The following GRM7 variants were observed in gnomAD, a reference collection of about 807,000 sequenced individuals.
GRM7 encodes glutamate metabotropic receptor 7.
GRM7 carries 35 observed loss-of-function variants against 84.5 expected under a neutral mutation model. The ratio of observed to expected loss-of-function variants is 0.41; its 90% CI spans 0.32 to 0.55. The LOEUF (loss-of-function observed/expected upper bound fraction) is 0.55. GRM7 is among the 20% of genes least tolerant of loss of function. The pLI is 0.19. For missense variants in GRM7, 1,003 were observed against 1,194.6 expected (o/e 0.84, Z 2.36); for synonymous variants, 487 against 455.1 (o/e 1.07, Z -0.89).
Position 7,145,492 on chromosome 3 carries a change from A to AT in GRM7, c.520-953dup, listed in dbSNP as rs1478894267. ...AGGCTACCTGAAATCCCAGGCAGACATTTTTTTGCAGCTCTTTCCATGTAT... is the reference window on the plus strand; with the variant it reads ...AGGCTACCTGAAATCCCAGGCAGACATTTTTTTTGCAGCTCTTTCCATGTAT... On this transcript the variant is annotated intron_variant, in intron 1 of 9. Transcript: ENST00000357716. 8.5e-5 allele frequency among the ~76,000 whole-genome samples: 13 copies of AT among 152,222 alleles called. No individual in the cohort carries two copies. In the East Asian group the frequency reaches 2.5e-3, roughly 29 times the overall value.
chr3:7,367,956 A>G lies in GRM7; in HGVS notation c.1034-47067A>G, dbSNP rs1352786612. ...TAATCCTCAAAAAAAAAAAAAAAGA[A>G]AAAATCAACAACAACAACAACTACA... On this transcript the variant is annotated intron_variant, in intron 4 of 9. Transcript: ENST00000357716. Among the ~76,000 whole-genome samples, 7 of 78,620 alleles carry G rather than the reference A, an allele frequency of 8.9e-5. No individual in the cohort carries two copies. In the Admixed American group the frequency reaches 1.1e-3, roughly 13 times the overall value. The allele number at this position is 78,620 out of a possible 152,430, so 51.6% of individuals were successfully genotyped here.
At chr3:7,522,065 C>G (rs1700617427) in intron 7 of GRM7, among the ~76,000 whole-genome samples, 1 of 152,154 alleles carries the variant, frequency 6.6e-6, no homozygotes, top group South Asian at 2.1e-4. Context: ...TTTCTCCCAG[C>G]TCATTTTGGA....
intron 1 of GRM7, among the ~76,000 whole-genome samples, chr3:7,093,234 G>T (rs1430716853): frequency 6.6e-6 from 1 of 152,056 alleles, no homozygotes; most frequent in Non-Finnish European, 1.5e-5. Context: ...GGCAACTAAG[G>T]CCCAGTTTGA....
chr3:7,499,853 C>A (rs1387329438), intron 7 of GRM7, among the ~76,000 whole-genome samples: 4 of 151,578 alleles, frequency 2.6e-5, no homozygotes, highest in African/African-American at 9.7e-5. Context: ...CGGCTCACTG[C>A]AAGCTCCGCC....
chr3:7,164,695 G>A (rs904827749), intron 2 of GRM7, among the ~76,000 whole-genome samples: 2 of 152,152 alleles, frequency 1.3e-5, no homozygotes, highest in Non-Finnish European at 2.9e-5. Flanking sequence ...ATAAAGTAAT[G>A]AACTGGAAAT....
At chr3:7,248,504 C>T (rs918153494) in intron 2 of GRM7, among the ~76,000 whole-genome samples, 20 of 152,084 alleles carry the variant, frequency 1.3e-4, no homozygotes, top group Admixed American at 1.2e-3. Context: ...GACAGAAATG[C>T]TTTTTGTCTT....
chr3:6,925,445 TC>T (rs1697265912), intron 1 of GRM7, among the ~76,000 whole-genome samples: 1 of 107,092 alleles, frequency 9.3e-6, no homozygotes, highest in Non-Finnish European at 2.2e-5. Context: ...CAAAATCGAA[TC>T]AATCAATCAA....
intron 1 of GRM7, among the ~76,000 whole-genome samples, chr3:6,984,765 G>A (rs1351369402): frequency 5.9e-5 from 9 of 152,196 alleles, no homozygotes; most frequent in Admixed American, 5.9e-4. Context: ...TATGAGGTCA[G>A]AGTTTCCTGA....
In GRM7 at chr3:7,020,334, G is replaced by T. The variant is rs1484481696; in HGVS notation, c.520-126118G>T. Among the ~76,000 whole-genome samples, 3 of 152,208 alleles carry T rather than the reference G, an allele frequency of 2.0e-5. No individual in the cohort carries two copies. In the South Asian group the frequency reaches 6.2e-4, roughly 32 times the overall value. On this transcript the variant is annotated intron_variant, in intron 1 of 9. Transcript: ENST00000357716. Reference sequence around the variant, plus strand: ...CTATGGAGACAGTAAAAAGATCAAGGATTGTTTGGAGTTAGGGGAGAGAGA... The same window carrying T: ...CTATGGAGACAGTAAAAAGATCAAGTATTGTTTGGAGTTAGGGGAGAGAGA...
chr3:7,109,656 A>T lies in GRM7; in HGVS notation c.520-36796A>T, dbSNP rs181777221. ...CATGGAAGAAGCTGGACTCCTTTTC[A>T]TTTCGTCCGCTATAGTGAGTTCTAT... On this transcript the variant is annotated intron_variant, in intron 1 of 9. Transcript: ENST00000357716. Among the ~76,000 whole-genome samples the T allele has an allele frequency of 2.0e-5, 3 of 152,198 alleles. 1 individual carries two copies. The highest frequency in any genetic ancestry group is 2.4e-5 in the African/African-American group (1 of 41,566).
At position 7,238,111 on chromosome 3, in the gene GRM7, T is replaced by C. The variant is rs984085665; in HGVS notation, c.737-60573T>C. On this transcript the variant is annotated intron_variant, in intron 2 of 9. Coordinates refer to ENST00000357716, the MANE Select transcript of GRM7 (RefSeq NM_000844.4). The stretch of plus-strand genomic sequence containing the variant: ...ACCATAGTATTGAATCAAAATTATA[T>C]CAGCAACAGTACTCTTCAAGTTATG... Among the ~76,000 whole-genome samples the C allele has an allele frequency of 2.6e-5, 4 of 152,142 alleles. No homozygotes were observed. In the South Asian group the frequency reaches 6.2e-4, roughly 24 times the overall value.
chr3:7,246,388 A>T (rs190064371), intron 2 of GRM7, among the ~76,000 whole-genome samples: 60 of 152,202 alleles, frequency 3.9e-4, no homozygotes, highest in Admixed American at 3.9e-3. Context: ...AGCCCTGGAA[A>T]CTTTGTCTGT....
At chr3:7,694,005 C>T (rs182144288) in intron 9 of GRM7, among the ~76,000 whole-genome samples, 116 of 152,258 alleles carry the variant, frequency 7.6e-4, no homozygotes, top group Admixed American at 3.9e-3. Context: ...AAAAGCCAGT[C>T]TCTTTCTGAG....
At chr3:7,200,222 A>T (rs1303676220) in intron 2 of GRM7, among the ~76,000 whole-genome samples, 2 of 152,088 alleles carry the variant, frequency 1.3e-5, no homozygotes, top group Non-Finnish European at 2.9e-5. Context: ...CATAATACAA[A>T]CACCTCCCAC....
chr3:7,377,461 C>T (rs1694400489), intron 4 of GRM7, among the ~76,000 whole-genome samples: 1 of 152,084 alleles, frequency 6.6e-6, no homozygotes, highest in Admixed American at 6.6e-5. Flanking sequence ...CGTCTGGAAT[C>T]AATAGTGGGT....
chr3:7,187,663 C>T (rs1205262326), intron 2 of GRM7, among the ~76,000 whole-genome samples: 1 of 151,256 alleles, frequency 6.6e-6, no homozygotes, highest in African/African-American at 2.4e-5. Context: ...TATTTAAACC[C>T]ACTTTTAATT....
At chr3:7,719,819 C>CACAG (rs1701884300) in intron 9 of GRM7, among the ~76,000 whole-genome samples, 1 of 125,900 alleles carries the variant, frequency 7.9e-6, no homozygotes, top group African/African-American at 2.8e-5. Context: ...CACACACACA[C>CACAG]ACACACAGAA....
chr3:7,415,720 C>T (rs186312272), intron 5 of GRM7, among the ~76,000 whole-genome samples: 14 of 152,242 alleles, frequency 9.2e-5, no homozygotes, highest in Non-Finnish European at 1.8e-4. Flanking sequence ...TTTATTCACT[C>T]ACAAATATTT....
intron 8 of GRM7, among the ~76,000 whole-genome samples, chr3:7,659,371 A>G (rs2125121653): frequency 6.6e-6 from 1 of 152,270 alleles, no homozygotes; most frequent in Middle Eastern, 3.4e-3. Context: ...GGAAAGAGAA[A>G]GAGGCTTCCA....
Sources: allele counts gnomAD v4.1 joint callset (sites outside exome capture counted in the v4.1 genomes callset), GRCh38; gene constraint gnomAD v4.1.1; transcripts MANE v1.5; gene names NCBI Gene and HGNC (gene_info 2026-07-23, HGNC 2026-07-21).